The following ACTR3C variants were observed in gnomAD, a reference collection of about 807,000 sequenced individuals.
The protein encoded by ACTR3C is actin-related protein 3C.
Under a neutral mutation model 26.3 loss-of-function variants are expected in ACTR3C, and 18 were observed. The observed-to-expected ratio is 0.68, with a 90% CI of 0.47 to 1.01. The LOEUF (loss-of-function observed/expected upper bound fraction) is 1.01, where lower values mean the gene tolerates loss of function less well. ACTR3C is among the 50% of genes least tolerant of loss of function. The pLI is 0.00. For synonymous variants in ACTR3C, 55 were observed against 94.5 expected, an observed-to-expected ratio of 0.58 and a Z score of 2.42; for missense variants, 184 against 250.7, an observed-to-expected ratio of 0.73 and a Z score of 1.80.
At chr7:150,114,710 T>C in the ACTR3C span, among the ~76,000 whole-genome samples, 4 of 152,254 alleles carry the variant, frequency 2.6e-5, no homozygotes, top group Non-Finnish European at 4.4e-5. Context: ...CATCAGAATG[T>C]GTAACCAGTG....
chr7:150,164,585 A>C, the ACTR3C span, among the ~76,000 whole-genome samples: 1 of 152,040 alleles, frequency 6.6e-6, no homozygotes, highest in East Asian at 1.9e-4. Context: ...AATTGGAGGC[A>C]GCAGCATCAC....
chr7:150,172,728 T>C, the ACTR3C span, among the ~76,000 whole-genome samples: 2 of 150,556 alleles, frequency 1.3e-5, no homozygotes, highest in African/African-American at 5.0e-5. Flanking sequence ...GCCTATAAAA[T>C]CAAAAGTAAG....
the ACTR3C span, among the ~76,000 whole-genome samples, chr7:150,129,537 C>T: frequency 6.6e-5 from 10 of 152,012 alleles, no homozygotes; most frequent in African/African-American, 2.2e-4. Flanking sequence ...AGTTGTTCAG[C>T]AAATTTGTAG....
chr7:150,215,261 C>A, the ACTR3C span, among the ~76,000 whole-genome samples: 1 of 152,262 alleles, frequency 6.6e-6, no homozygotes, highest in East Asian at 1.9e-4. Context: ...TAAGCAACTT[C>A]AAAATGCAAA....
At chr7:150,208,613 C>G in the ACTR3C span, among the ~76,000 whole-genome samples, 3 of 152,112 alleles carry the variant, frequency 2.0e-5, no homozygotes, top group Non-Finnish European at 4.4e-5. Context: ...CATTTCCACC[C>G]AGTAAATCTT....
chr7:150,156,984 TA>T, the ACTR3C span, among the ~76,000 whole-genome samples: 8 of 151,368 alleles, frequency 5.3e-5, no homozygotes, highest in African/African-American at 2.0e-4. Context: ...TCTAAAACCC[TA>T]TGAGTCATGT....
At chr7:150,139,570 C>T in the ACTR3C span, among the ~76,000 whole-genome samples, 3 of 152,388 alleles carry the variant, frequency 2.0e-5, no homozygotes, top group South Asian at 4.1e-4. Context: ...CTCACCTTCC[C>T]GGATCATCTC....
chr7:149,976,434 C>T, the ACTR3C span, among the ~76,000 whole-genome samples: 100 of 152,090 alleles, frequency 6.6e-4, no homozygotes, highest in African/African-American at 2.4e-3. Context: ...ATTAGCTGGG[C>T]ATGGTGGCAG....
the ACTR3C span, among the ~76,000 whole-genome samples, chr7:150,186,557 T>C: frequency 1.3e-5 from 2 of 152,148 alleles, no homozygotes; most frequent in African/African-American, 4.8e-5. Context: ...TAACTCCCAA[T>C]CCAGATCCTC....
At chr7:150,315,763 T>C (rs937210829) in intron 1 of ACTR3C, among the ~76,000 whole-genome samples, 1 of 152,160 alleles carries the variant, frequency 6.6e-6, no homozygotes, top group African/African-American at 2.4e-5. Flanking sequence ...TGCTTATGTA[T>C]ATTCATACAT....
the ACTR3C span, among the ~76,000 whole-genome samples, chr7:150,225,855 T>G: frequency 6.6e-6 from 1 of 152,224 alleles, no homozygotes; most frequent in East Asian, 1.9e-4. Context: ...AGTTCTGAGC[T>G]TCACCTATTC....
the ACTR3C span, among the ~76,000 whole-genome samples, chr7:150,142,308 A>G: frequency 2.6e-5 from 4 of 152,168 alleles, no homozygotes; most frequent in African/African-American, 9.7e-5. Context: ...TAGAACCGCA[A>G]CAACTCCTGC....
the ACTR3C span, among the ~76,000 whole-genome samples, chr7:150,213,518 G>A: frequency 6.6e-6 from 1 of 152,022 alleles, no homozygotes; most frequent in Non-Finnish European, 1.5e-5. Context: ...AAGGGAATCA[G>A]TGCTAAAATC....
the ACTR3C span, among the ~76,000 whole-genome samples, chr7:150,154,060 CTG>C: frequency 1.1e-4 from 14 of 124,160 alleles, no homozygotes; most frequent in African/African-American, 4.4e-4. Flanking sequence ...ACATCACACT[CTG>C]GGGACTGTTG....
the ACTR3C span, among the ~76,000 whole-genome samples, chr7:150,127,605 A>T: frequency 1.3e-5 from 2 of 152,158 alleles, no homozygotes; most frequent in Non-Finnish European, 2.9e-5. Context: ...TTATATAGAG[A>T]ATGAATGCTT....
chr7:150,309,099 C>T (rs1157908134), intron 1 of ACTR3C, among the ~76,000 whole-genome samples: 1 of 152,158 alleles, frequency 6.6e-6, no homozygotes, highest in Non-Finnish European at 1.5e-5. Flanking sequence ...GGCATCAGGG[C>T]AGTTCCCCGA....
the ACTR3C span, among the ~76,000 whole-genome samples, chr7:149,928,381 C>CTT: frequency 7.5e-5 from 8 of 106,822 alleles, no homozygotes; most frequent in East Asian, 2.6e-4. Flanking sequence ...TTTTGTATTT[C>CTT]TTTTTTTTTT....
chr7:150,235,992 AT>A, the ACTR3C span, among the ~76,000 whole-genome samples: 1,201 of 150,786 alleles, frequency 8.0e-3, 37 homozygotes, highest in African/African-American at 0.028. Flanking sequence ...CCTTTTGTGC[AT>A]TATATTTTTA....
the ACTR3C span, among the ~76,000 whole-genome samples, chr7:149,911,934 C>T: frequency 6.7e-6 from 1 of 149,274 alleles, no homozygotes; most frequent in Non-Finnish European, 1.5e-5. Flanking sequence ...CCGTTAAGCC[C>T]AGGAGTTCGA....
Sources: allele counts gnomAD v4.1 joint callset (sites outside exome capture counted in the v4.1 genomes callset), GRCh38; gene constraint gnomAD v4.1.1; transcripts MANE v1.5; gene names NCBI Gene and HGNC (gene_info 2026-07-23, HGNC 2026-07-21).